NECAB1: variants seen among roughly 807,000 people sequenced by gnomAD.
NECAB1 encodes N-terminal EF-hand calcium-binding protein 1.
NECAB1 carries 29 observed loss-of-function variants against 57.5 expected under a neutral mutation model. The ratio of observed to expected loss-of-function variants is 0.50; its 90% CI spans 0.38 to 0.69. The LOEUF (loss-of-function observed/expected upper bound fraction) is 0.69. Ranked by LOEUF, NECAB1 falls within the 30% of genes least tolerant of loss-of-function variation. The pLI, the probability that NECAB1 is intolerant of heterozygous loss-of-function variation, is 0.00. For missense variants in NECAB1, 372 were observed against 413.8 expected, an observed-to-expected ratio of 0.90 and a Z score of 0.88; for synonymous variants, 142 against 147.7, an observed-to-expected ratio of 0.96 and a Z score of 0.28.
At chr8:90,841,240 A>C (rs904809381) in intron 3 of NECAB1, among the ~76,000 whole-genome samples, 5 of 150,104 alleles carry the variant, frequency 3.3e-5, no homozygotes, top group African/African-American at 1.2e-4. Context: ...AGCCTAGGTG[A>C]CAGAGCGAGA....
intron 4 of NECAB1, among the ~76,000 whole-genome samples, chr8:90,880,111 G>A (rs866109333): frequency 1.2e-4 from 18 of 151,992 alleles, no homozygotes; most frequent in South Asian, 6.2e-4. Flanking sequence ...TAATCAAGGC[G>A]GTTTCCATCA....
rs543812829 is a variant in NECAB1, at chr8:90,882,795, G to A, written c.357+1665G>A. On this transcript the variant is annotated intron_variant, in intron 5 of 12. Coordinates refer to ENST00000417640, the MANE Select transcript of NECAB1 (RefSeq NM_022351.5). ...AGAGAAGGGCAGTGTCTGGTTTTTT[G>A]TTTTTTTAGGTTTTTTTGTTTTGTT... Among the ~76,000 whole-genome samples the A allele has an allele frequency of 2.8e-4, 43 of 152,024 alleles. No homozygotes were observed. The East Asian group carries it at 6.4e-3, about 23-fold the overall frequency.
At chr8:90,889,736 AAAG>A (rs1471477188) in intron 5 of NECAB1, among the ~76,000 whole-genome samples, 1 of 152,210 alleles carries the variant, frequency 6.6e-6, no homozygotes, top group Admixed American at 6.5e-5. Flanking sequence ...GGCTTTCTCT[AAAG>A]AAGTGATTGT....
chr8:90,931,818 C>T (rs534978574), intron 8 of NECAB1, among the ~76,000 whole-genome samples: 25 of 152,126 alleles, frequency 1.6e-4, no homozygotes, highest in African/African-American at 5.3e-4. Flanking sequence ...GCAGGAGAAT[C>T]GCTTGAACCC....
intron 2 of NECAB1, among the ~76,000 whole-genome samples, chr8:90,822,829 A>C (rs1504792): frequency 0.39 from 59,325 of 151,396 alleles, 12,711 homozygotes; most frequent in East Asian, 0.81. Flanking sequence ...TTGGAGATGG[A>C]AATAGCAGGT....
chr8:90,829,863 T>C lies in NECAB1; in HGVS notation c.233+5038T>C, dbSNP rs570643322. ...TGTAGGGCCGTTCAGAATATGAATA[T>C]TTTATGACAAGTCTTTCTAATATTT... On this transcript the variant is annotated intron_variant, in intron 3 of 12. Transcript: ENST00000417640. Among the ~76,000 whole-genome samples the C allele has an allele frequency of 4.5e-4, 68 of 152,192 alleles. 1 individual carries two copies. The South Asian group carries it at 7.0e-3, about 16-fold the overall frequency.
At chr8:90,870,069 C>T (rs1352727553) in intron 3 of NECAB1, among the ~76,000 whole-genome samples, 1 of 152,026 alleles carries the variant, frequency 6.6e-6, no homozygotes, top group East Asian at 1.9e-4. Context: ...CTTCCCTCTT[C>T]ACTCTCTCTC....
At chr8:90,936,104 C>T (rs1453001354) in intron 9 of NECAB1, among the ~76,000 whole-genome samples, 1 of 151,862 alleles carries the variant, frequency 6.6e-6, no homozygotes, top group East Asian at 1.9e-4. Flanking sequence ...TCCTGTAAAA[C>T]CTCCTATATT....
chr8:90,823,805 G>A (rs546247308), intron 2 of NECAB1, among the ~76,000 whole-genome samples: 1 of 151,856 alleles, frequency 6.6e-6, no homozygotes, highest in East Asian at 1.9e-4. Flanking sequence ...CAGTTATTTG[G>A]CAGCTTATCT....
chr8:90,807,305 G>T (rs1255129304), intron 2 of NECAB1, among the ~76,000 whole-genome samples: 1 of 152,116 alleles, frequency 6.6e-6, no homozygotes, highest in Non-Finnish European at 1.5e-5. Context: ...AATTAATTTG[G>T]AATTGATTAT....
Position 90,881,103 on chromosome 8 carries a change from C to T in NECAB1, c.330C>T (p.Ile110=), listed in dbSNP as rs769146994. 22 of 1,605,134 alleles carry T rather than the reference C, an allele frequency of 1.4e-5. No individual in the cohort carries two copies. The highest frequency in any genetic ancestry group is 1.6e-5 in the Non-Finnish European group (19 of 1,175,352). ...CACTTGAAGACCTGAATCTTTCCAT[C>T]CTGAAGGCAATGGGCAAAACAAAGA... is the stretch of plus-strand genomic sequence containing the variant. The part of the protein sequence containing the change: ...LAALEDLNLS[I]LKAMGKTKKD... Residue 110 remains isoleucine (I), a synonymous_variant, in exon 5 of 13, where the codon ATC becomes ATT. Transcript: ENST00000417640.
chr8:90,948,702 T>TA (rs1810861567), intron 10 of NECAB1, among the ~76,000 whole-genome samples: 2 of 152,212 alleles, frequency 1.3e-5, no homozygotes, highest in South Asian at 4.1e-4. Flanking sequence ...CTCCCACTCT[T>TA]AAGTTTATGA....
chr8:90,873,448 G>A (rs1808656374), intron 4 of NECAB1, among the ~76,000 whole-genome samples: 2 of 152,184 alleles, frequency 1.3e-5, no homozygotes, highest in South Asian at 4.1e-4. Flanking sequence ...TCACCATAAA[G>A]GCCAAGTTGT....
At position 90,928,943 on chromosome 8, in the gene NECAB1, GGA is replaced by G. The variant is rs141507315; in HGVS notation, c.693+649_693+650del. On this transcript the variant is annotated intron_variant, in intron 8 of 12. Coordinates refer to ENST00000417640, the MANE Select transcript of NECAB1 (RefSeq NM_022351.5). ...ATATTCTCCTTAAACATCTTTGATA[GGA>G]GAGACAACTTTTGTCAATCAGTAAG... Among the ~76,000 whole-genome samples, 1,375 of 152,222 alleles carry G rather than the reference GGA, an allele frequency of 9.0e-3. 20 individuals carry two copies. The highest frequency in any genetic ancestry group is 0.031 in the African/African-American group (1,287 of 41,528).
chr8:90,921,692 A>G (rs1406147654), intron 6 of NECAB1, among the ~76,000 whole-genome samples: 1 of 151,668 alleles, frequency 6.6e-6, no homozygotes, highest in Non-Finnish European at 1.5e-5. Context: ...AAACAAAAAA[A>G]CAAGAGTTAC....
chr8:90,944,750 C>T (rs909241310), intron 10 of NECAB1, among the ~76,000 whole-genome samples: 3 of 152,154 alleles, frequency 2.0e-5, no homozygotes, highest in African/African-American at 7.2e-5. Flanking sequence ...TTTCTAAAGT[C>T]ACTCAGCTAC....
intron 4 of NECAB1, among the ~76,000 whole-genome samples, chr8:90,880,580 A>G (rs1808819030): frequency 2.0e-5 from 3 of 151,498 alleles, no homozygotes. Flanking sequence ...AGAAGGTGCC[A>G]CAGAAGACCC....
intron 3 of NECAB1, among the ~76,000 whole-genome samples, chr8:90,869,375 A>G (rs1342010914): frequency 6.6e-6 from 1 of 152,196 alleles, no homozygotes; most frequent in African/African-American, 2.4e-5. Flanking sequence ...CCAGAATGGT[A>G]AATCCACTGA....
chr8:90,908,316 G>A (rs1809744516), intron 5 of NECAB1, among the ~76,000 whole-genome samples: 1 of 151,962 alleles, frequency 6.6e-6, no homozygotes, highest in Non-Finnish European at 1.5e-5. Context: ...AAGAAATTTT[G>A]GTGATATTTT....
Sources: gnomAD v4.1 joint callset for allele counts (sites outside exome capture counted in the v4.1 genomes callset) on GRCh38, gnomAD v4.1.1 for gene constraint, MANE v1.5 for transcripts, NCBI Gene and HGNC (gene_info 2026-07-23, HGNC 2026-07-21) for gene names.